The following MYLK variants were observed in gnomAD, a reference collection of about 807,000 sequenced individuals.
The protein encoded by MYLK is myosin light chain kinase, smooth muscle.
Under a neutral mutation model 203.4 loss-of-function variants are expected in MYLK, and 106 were observed. The observed-to-expected ratio is 0.52, with a 90% CI of 0.45 to 0.61. The LOEUF (loss-of-function observed/expected upper bound fraction) is 0.61, where lower values mean the gene tolerates loss of function less well. Among genes scored for constraint, MYLK ranks in the 20% least tolerant of loss-of-function variants. The pLI is 0.00. For missense variants in MYLK, 2,072 were observed against 2,442.3 expected (o/e 0.85, Z 3.20); for synonymous variants, 867 against 959.5 (o/e 0.90, Z 1.78).
chr3:123,732,781 C>T (rs560727964), intron 11 of MYLK, 115 bp downstream of exon 11: 28 of 1,009,310 alleles, frequency 2.8e-5, no homozygotes, highest in African/African-American at 6.4e-5. Context: ...ACATTTCTGT[C>T]GGGCTGTGCA....
intron 23 of MYLK, chr3:123,659,700 A>G (rs2059503363): frequency 1.9e-6 from 1 of 518,214 alleles, no homozygotes. Flanking sequence ...AGAAAAGAAC[A>G]GATGTCCTTA....
intron 2 of MYLK, among the ~76,000 whole-genome samples, chr3:123,859,159 T>G (rs913293833): frequency 2.0e-5 from 3 of 152,234 alleles, no homozygotes; most frequent in Non-Finnish European, 4.4e-5. Flanking sequence ...AAAAGAGTTC[T>G]GCATTCTAAT....
chr3:123,759,452 G>A (rs944774693), intron 4 of MYLK, among the ~76,000 whole-genome samples: 1 of 152,212 alleles, frequency 6.6e-6, no homozygotes, highest in Non-Finnish European at 1.5e-5. Flanking sequence ...AGAGGCATGT[G>A]GCATTGCAGA....
At chr3:123,800,270 G>C (rs184144900) in intron 3 of MYLK, 2 of 152,346 alleles carry the variant, frequency 1.3e-5, no homozygotes, top group East Asian at 3.9e-4. Context: ...CTGAGTCCTC[G>C]GAGGGGCTGG....
In MYLK at chr3:123,648,779, G is replaced by A. The variant is rs554159773; in HGVS notation, c.4415+192C>T. The stretch of plus-strand genomic sequence containing the variant: ...AGTTGGGGCAGTGTAGGACCGCATG[G>A]GCAACTCTGCAGAGAGTCCTGGGTG... On this transcript the variant is annotated intron_variant, in intron 26 of 33. Coordinates refer to ENST00000360304, the MANE Select transcript of MYLK (RefSeq NM_053025.4). This position sits in a 1 kb window ranked among gnomAD's most constrained non-coding sequence, Gnocchi z 4.5. 6.6e-6 allele frequency among the ~76,000 whole-genome samples: 1 copy of A among 152,164 alleles called. No individual in the cohort carries two copies. The highest frequency in any genetic ancestry group is 1.5e-5 in the Non-Finnish European group (1 of 68,002).
intron 28 of MYLK, among the ~76,000 whole-genome samples, chr3:123,639,546 G>T (rs1243580575): frequency 6.6e-6 from 1 of 152,218 alleles, no homozygotes; most frequent in Non-Finnish European, 1.5e-5. Context: ...GACATCAAAG[G>T]GCTGCAGAGG....
chr3:123,663,956 G>T (rs765260573), intron 23 of MYLK, 149 bp downstream of exon 23: 18 of 1,213,138 alleles, frequency 1.5e-5, no homozygotes, highest in Non-Finnish European at 2.2e-5. Context: ...GTGGGTTGCC[G>T]TGATCTTCTT....
chr3:123,700,066 G>A lies in MYLK; in HGVS notation c.3402C>T (p.Asn1134=), dbSNP rs865358. The stretch of plus-strand genomic sequence containing the variant: ...ACTTGGTGGTCTTGAGGGTCTTTCC[G>A]TTCAGCGTCCAGATGATGGTGGCTG... ...DPPATIIWTL[N]GKTLKTTKFI... is the part of the protein sequence containing the mutation. Residue 1134 remains asparagine (N), a synonymous_variant, in exon 18 of 34, where the codon AAC becomes AAT. Transcript: ENST00000360304. The A allele has an allele frequency of 0.99, 1,595,492 of 1,613,902 alleles. 789,789 individuals are homozygous for A. Among genetic ancestry groups the A allele is most frequent in the East Asian group, 1 (44,836 of 44,838 alleles).
intron 2 of MYLK, among the ~76,000 whole-genome samples, chr3:123,874,351 A>C (rs1387558473): frequency 6.6e-6 from 1 of 152,174 alleles, no homozygotes; most frequent in Non-Finnish European, 1.5e-5. Context: ...TACATGCTCA[A>C]CTGATTTTCA....
intron 23 of MYLK, among the ~76,000 whole-genome samples, chr3:123,658,758 C>G (rs1002636700): frequency 1.3e-5 from 2 of 152,212 alleles, no homozygotes; most frequent in African/African-American, 4.8e-5. Flanking sequence ...AGGCCAAAGG[C>G]AATGGCTGCA....
At chr3:123,649,284 G>C (rs748015511) in intron 24 of MYLK, 90 bp from the exon 25 acceptor site, 20 of 1,543,032 alleles carry the variant, frequency 1.3e-5, no homozygotes, top group Non-Finnish European at 1.8e-5. Context: ...GCCCTGCCAG[G>C]CCTCAGCCTC....
At chr3:123,824,311 A>C (rs1370400402) in intron 3 of MYLK, among the ~76,000 whole-genome samples, 1 of 152,162 alleles carries the variant, frequency 6.6e-6, no homozygotes, top group African/African-American at 2.4e-5. Context: ...GCTGGTCTCG[A>C]ACTCCTGACC....
chr3:123,745,128 CTTTT>C (rs948677821), intron 5 of MYLK, among the ~76,000 whole-genome samples: 1 of 151,104 alleles, frequency 6.6e-6, no homozygotes, highest in Admixed American at 6.6e-5. Flanking sequence ...TTACTGGGCT[CTTTT>C]TTTTTGTATT....
At chr3:123,758,198 G>A (rs4678051) in intron 4 of MYLK, among the ~76,000 whole-genome samples, 135,659 of 152,242 alleles carry the variant, frequency 0.89, 62,416 homozygotes, top group East Asian at 1. Context: ...CAGAGCCTGC[G>A]TCTGTGTCAG....
At chr3:123,701,354 G>A in intron 17 of MYLK, 84 bp downstream of exon 17, 1 of 1,395,614 alleles carries the variant, frequency 7.2e-7, no homozygotes, top group Non-Finnish European at 1.0e-6. Flanking sequence ...AACAATCTAG[G>A]GCTGCTGGGC....
intron 29 of MYLK, chr3:123,630,743 G>A (rs2058380828): frequency 6.6e-6 from 1 of 152,256 alleles, no homozygotes; most frequent in Non-Finnish European, 1.5e-5. Context: ...GCCTTACCAA[G>A]CTGTGAGTGC....
chr3:123,724,964 C>T (rs553900126), intron 12 of MYLK, among the ~76,000 whole-genome samples: 8 of 152,022 alleles, frequency 5.3e-5, no homozygotes, highest in Non-Finnish European at 1.2e-4. Flanking sequence ...AGGCTGGTCT[C>T]GAACTCCTGA....
chr3:123,854,377 A>C lies in MYLK; in HGVS notation c.-127+22182T>G, dbSNP rs952267236. ...GAATATGGCTTTAACATTTTCCCCC[A>C]AAAAATCTGCACCATCTTGCTATTG... On this transcript the variant is annotated intron_variant, in intron 2 of 33. Transcript: ENST00000360304. 3.9e-5 allele frequency among the ~76,000 whole-genome samples: 6 copies of C among 151,984 alleles called. No individual in the cohort carries two copies. In the South Asian group the frequency reaches 6.2e-4, roughly 16 times the overall value.
At chr3:123,788,043 A>T (rs1576976983) in intron 4 of MYLK, among the ~76,000 whole-genome samples, 1 of 152,126 alleles carries the variant, frequency 6.6e-6, no homozygotes, top group African/African-American at 2.4e-5. Context: ...GCAGAATTTC[A>T]TGCAAGGGGA....
Sources: allele counts gnomAD v4.1 joint callset (sites outside exome capture counted in the v4.1 genomes callset), GRCh38; gene constraint gnomAD v4.1.1; non-coding constraint Gnocchi (gnomAD v3.1); transcripts MANE v1.5; gene names NCBI Gene and HGNC (gene_info 2026-07-23, HGNC 2026-07-21).